The following FREM1 variants were observed in gnomAD, a reference collection of about 807,000 sequenced individuals.
FREM1 encodes the protein FRAS1 related extracellular matrix 1.
In FREM1, 220 loss-of-function variants were observed where a neutral mutation model predicts 210.1. The observed-to-expected ratio is 1.05, with a 90% CI of 0.94 to 1.17. The LOEUF (loss-of-function observed/expected upper bound fraction) is 1.17. Ranked by LOEUF, FREM1 falls within the 50% of genes most tolerant of loss-of-function variation. The probability of loss-of-function intolerance (pLI) is 0.00; values close to 1 mark genes in which losing one functional copy is unlikely to be tolerated. For missense variants in FREM1, 3,454 were observed against 2,675.5 expected, an observed-to-expected ratio of 1.29 and a Z score of -6.42; for synonymous variants, 1,189 against 980.2, an observed-to-expected ratio of 1.21 and a Z score of -3.98.
intron 1 of FREM1, among the ~76,000 whole-genome samples, chr9:14,904,158 T>A (rs1817275552): frequency 1.3e-5 from 2 of 151,374 alleles, no homozygotes; most frequent in East Asian, 3.9e-4. Flanking sequence ...TTTCTGTGAT[T>A]CTGGGTTATA....
At chr9:14,787,754 C>G (rs1850639593) in intron 23 of FREM1, among the ~76,000 whole-genome samples, 1 of 152,162 alleles carries the variant, frequency 6.6e-6, no homozygotes, top group Non-Finnish European at 1.5e-5. Context: ...GTGGCCTACT[C>G]TAATACACTA....
intron 1 of FREM1, among the ~76,000 whole-genome samples, chr9:14,875,716 G>C (rs1833586790): frequency 6.6e-6 from 1 of 152,212 alleles, no homozygotes; most frequent in Admixed American, 6.5e-5. Flanking sequence ...CGTTGCTGGT[G>C]AGGAACTGCA....
chr9:14,786,987 A>T (rs1760744458), intron 23 of FREM1, among the ~76,000 whole-genome samples: 1 of 152,194 alleles, frequency 6.6e-6, no homozygotes, highest in Admixed American at 6.6e-5. Flanking sequence ...TCAGCACTGT[A>T]AGGGCAGAGT....
chr9:14,752,937 G>C (rs1044147641), intron 29 of FREM1, among the ~76,000 whole-genome samples: 9 of 152,202 alleles, frequency 5.9e-5, no homozygotes, highest in African/African-American at 2.2e-4. Context: ...AGGGGTTGGA[G>C]AAAATATCTT....
At chr9:14,841,909 C>T (rs997706802) in intron 9 of FREM1, among the ~76,000 whole-genome samples, 3 of 152,154 alleles carry the variant, frequency 2.0e-5, no homozygotes, top group African/African-American at 4.8e-5. Context: ...TGTCAAACTC[C>T]GGATCTACCT....
chr9:14,783,002 T>A (rs1849868619), intron 24 of FREM1, among the ~76,000 whole-genome samples: 1 of 152,120 alleles, frequency 6.6e-6, no homozygotes, highest in South Asian at 2.1e-4. Flanking sequence ...TGAAAAGGAA[T>A]CCCCACATCT....
chr9:14,818,428 G>T (rs575700105), intron 14 of FREM1, among the ~76,000 whole-genome samples: 1 of 152,308 alleles, frequency 6.6e-6, no homozygotes, highest in Admixed American at 6.5e-5. Flanking sequence ...CAACTTTCTA[G>T]TCAAGTGCAG....
In FREM1 at chr9:14,746,508, T is replaced by C. The variant is rs758424518; in HGVS notation, c.6139-40A>G. 67 of 1,511,062 alleles carry C rather than the reference T, an allele frequency of 4.4e-5. No homozygotes were observed. The Middle Eastern group carries it at 7.0e-4, about 16-fold the overall frequency. 93.6% of individuals were successfully genotyped at this position (1,511,062 alleles called of 1,614,324 possible). A position where few individuals can be genotyped will look rare whatever the true frequency, so the allele number is the denominator to read the frequency against. On this transcript the variant is annotated intron_variant, in intron 34 of 36. Transcript: ENST00000380880. ...TCTGTGTTCATATCATAATGGTCTT[T>C]ACAATCTGGAGTTGGTTCAGCATAA...
At chr9:14,741,400 A>T (rs1271183483) in intron 35 of FREM1, among the ~76,000 whole-genome samples, 1 of 152,134 alleles carries the variant, frequency 6.6e-6, no homozygotes, top group African/African-American at 2.4e-5. Context: ...TGCAATGATG[A>T]TTTCTAGGCC....
chr9:14,770,763 T>A lies in FREM1; in HGVS notation c.4901A>T (p.His1634Leu). The change falls in exon 26 of 37, where the codon CAT becomes CTT. Residue 1634 changes from histidine to leucine, a missense_variant. His to Leu is a moderately conservative substitution (Grantham distance 99, BLOSUM62 -3). Transcript: ENST00000380880. Reference sequence around the variant, plus strand: ...CAGGAGCCCCACTTGAGAAGGGGAATGCAAGAGTGTGATACGAGGAGCTGT... The same window carrying A: ...CAGGAGCCCCACTTGAGAAGGGGAAAGCAAGAGTGTGATACGAGGAGCTGT... ...DKTAPRITLL[H>L]SPSQVGLLKN... 6.2e-7 allele frequency: 1 copy of A among 1,613,424 alleles called. No homozygotes were observed. Among genetic ancestry groups the A allele is most frequent in the Non-Finnish European group, 8.5e-7 (1 of 1,179,636 alleles).
At chr9:14,887,398 C>T (rs118062935) in intron 1 of FREM1, among the ~76,000 whole-genome samples, 1 of 152,338 alleles carries the variant, frequency 6.6e-6, no homozygotes, top group East Asian at 1.9e-4. Context: ...TGTATCCTGA[C>T]AATCTCATGC....
At chr9:14,806,539 C>A in intron 18 of FREM1, 122 bp downstream of exon 18, 2 of 659,004 alleles carry the variant, frequency 3.0e-6, no homozygotes, top group African/African-American at 3.6e-5. Context: ...CAGGCATCAG[C>A]CACCACGCCC....
In FREM1 at chr9:14,807,993, T is replaced by C; in HGVS notation, c.3035A>G (p.Asp1012Gly). The C allele has an allele frequency of 6.2e-7, 1 of 1,613,880 alleles. No homozygotes were observed. Among genetic ancestry groups the C allele is most frequent in the Non-Finnish European group, 8.5e-7 (1 of 1,179,808 alleles). The change falls in exon 17 of 37, where the codon GAT becomes GGT. Residue 1012 changes from aspartate to glycine, a missense_variant. Transcript: ENST00000380880. ...TACTGGGTATACCGTGATGTTGAGA[T>C]CATACACTGGAAAGGACGCATGAAG... ...VPLHASFPVYDLNITVYPVDN... is the reference protein window; with the variant it reads ...VPLHASFPVYGLNITVYPVDN...
intron 22 of FREM1, among the ~76,000 whole-genome samples, chr9:14,791,320 C>G (rs1851273946): frequency 6.6e-6 from 1 of 152,148 alleles, no homozygotes; most frequent in Non-Finnish European, 1.5e-5. Flanking sequence ...AGCAGTAAAA[C>G]CCAGGTGACC....
At chr9:14,867,907 T>A (rs1889048) in intron 2 of FREM1, among the ~76,000 whole-genome samples, 82,448 of 152,000 alleles carry the variant, frequency 0.54, 24,955 homozygotes, top group African/African-American at 0.82. Context: ...AAAACAGTGT[T>A]AGAGAATATA....
chr9:14,760,210 G>T (rs1310696004), intron 27 of FREM1, among the ~76,000 whole-genome samples: 3 of 152,298 alleles, frequency 2.0e-5, no homozygotes, highest in Non-Finnish European at 4.4e-5. Flanking sequence ...ACTCAATCGT[G>T]AATGTTTTGA....
In FREM1 at chr9:14,835,732, G is replaced by T. The variant is rs902674238; in HGVS notation, c.1881+5715C>A. Among the ~76,000 whole-genome samples, 3 of 152,092 alleles carry T rather than the reference G, an allele frequency of 2.0e-5. No homozygotes were observed. In the South Asian group the frequency reaches 6.2e-4, roughly 32 times the overall value. On this transcript the variant is annotated intron_variant, in intron 10 of 36. Transcript: ENST00000380880. ...CGTTTCATCAAAGCCAATCCAAAAG[G>T]CCTATGTAAAAATAACCATTCTTGC...
At chr9:14,840,589 C>T (rs901081566) in intron 10 of FREM1, among the ~76,000 whole-genome samples, 16 of 152,150 alleles carry the variant, frequency 1.1e-4, no homozygotes, top group Admixed American at 6.5e-4. Flanking sequence ...CAGGAAAAAC[C>T]CACCCCCATG....
At chr9:14,881,057 T>C (rs1834704315) in intron 1 of FREM1, among the ~76,000 whole-genome samples, 2 of 152,192 alleles carry the variant, frequency 1.3e-5, no homozygotes, top group Non-Finnish European at 2.9e-5. Context: ...TATCTCCAAA[T>C]GGTTGGTCAG....
Sources: gnomAD v4.1 joint callset for allele counts (sites outside exome capture counted in the v4.1 genomes callset) on GRCh38, gnomAD v4.1.1 for gene constraint, MANE v1.5 for transcripts, NCBI Gene and HGNC (gene_info 2026-07-23, HGNC 2026-07-21) for gene names.